DRP2: variants seen among roughly 807,000 people sequenced by gnomAD.
DRP2 encodes dystrophin-related protein 2.
Under a neutral mutation model 78.2 loss-of-function variants are expected in DRP2, and 29 were observed. That is an observed-to-expected ratio of 0.37 (90% CI 0.28 to 0.51). The LOEUF (loss-of-function observed/expected upper bound fraction) is 0.51, where lower values mean the gene tolerates loss of function less well. DRP2 is among the 20% of genes least tolerant of loss of function. The pLI is 0.94. For synonymous variants in DRP2, 290 were observed against 281.9 expected (o/e 1.03, Z -0.29); for missense variants, 686 against 770.6 (o/e 0.89, Z 1.30).
At chrX:101,235,472 G>T (rs980310481) in intron 3 of DRP2, among the ~76,000 whole-genome samples, 1 of 112,613 alleles carries the variant, frequency 8.9e-6, no homozygotes, top group African/African-American at 3.2e-5. Context: ...TACCTGCAAT[G>T]GTATGGTTGC....
At chrX:101,251,426 T>C (rs1293914345) in intron 16 of DRP2, 3 of 135,849 alleles carry the variant, frequency 2.2e-5, no homozygotes, top group African/African-American at 3.2e-5. Context: ...TCTGTAGCAT[T>C]TGCTAATTTC....
At position 101,242,914 on chromosome X, in the gene DRP2, G is replaced by C; in HGVS notation, c.986G>C (p.Ser329Thr). The C allele has an allele frequency of 1.7e-6, 2 of 1,211,283 alleles. No individual in the cohort carries two copies. Among genetic ancestry groups the C allele is most frequent in the Non-Finnish European group, 2.2e-6 (2 of 895,217 alleles). Reference sequence around the variant, plus strand: ...CTGTTCTTTCCATAGGCGTCAGTTAGTGAGAGGCTTAAGCAGCTCCAGGAT... The same window carrying C: ...CTGTTCTTTCCATAGGCGTCAGTTACTGAGAGGCTTAAGCAGCTCCAGGAT... ...VRWKQLQASV[S>T]ERLKQLQDAH... The change falls in exon 9 of 24, where the codon AGT becomes ACT. Residue 329 changes from serine to threonine, a missense_variant. Ser to Thr is a moderately conservative substitution (Grantham distance 58). This residue lies in a region of DRP2 where 423 missense variants were observed against 531.5 expected (regional missense o/e 0.80). Transcript: ENST00000395209.
intron 22 of DRP2, 72 bp downstream of exon 22, chrX:101,258,618 G>T: frequency 1.0e-6 from 1 of 958,971 alleles, no homozygotes; most frequent in South Asian, 2.3e-5. Context: ...GCTGAGGGCT[G>T]TGGCAAAGAA....
intron 6 of DRP2, among the ~76,000 whole-genome samples, chrX:101,240,461 C>T (rs1166139741): frequency 8.9e-6 from 1 of 112,662 alleles, no homozygotes; most frequent in Non-Finnish European, 1.9e-5. Context: ...GTCTTGAACT[C>T]TTGGGCTCAA....
chrX:101,234,912 G>A (rs917398486), intron 3 of DRP2, among the ~76,000 whole-genome samples: 4 of 110,867 alleles, frequency 3.6e-5, no homozygotes, highest in Non-Finnish European at 7.6e-5. Flanking sequence ...CTTTGCAAAT[G>A]AAGGCAAGCA....
At position 101,263,148 on chromosome X, in the gene DRP2, C is replaced by T. The variant is rs947210807; in HGVS notation, c.*2527C>T. ...TAATGCCTAAGGTGAGTGTATTGTTCAAGGGTCCAGGGACAGTCACTGCAG... is the reference window on the plus strand; with the variant it reads ...TAATGCCTAAGGTGAGTGTATTGTTTAAGGGTCCAGGGACAGTCACTGCAG... On this transcript the variant is annotated 3_prime_UTR_variant, in exon 24 of 24. Coordinates refer to ENST00000395209, the MANE Select transcript of DRP2 (RefSeq NM_001939.3). 2.7e-5 allele frequency: 3 copies of T among 111,818 alleles called. No individual in the cohort carries two copies. Among genetic ancestry groups the T allele is most frequent in the African/African-American group, 6.5e-5 (2 of 30,721 alleles). 9.2% of individuals were successfully genotyped at this position (111,818 alleles called of 1,213,427 possible).
At position 101,224,191 on chromosome X, in the gene DRP2, G is replaced by GT. The variant is rs1167730116; in HGVS notation, c.-166-383dup. 5.3e-3 allele frequency among the ~76,000 whole-genome samples: 206 copies of GT among 38,851 alleles called. 12 individuals carry two copies. Among genetic ancestry groups the GT allele is most frequent in the South Asian group, 0.011 (4 of 373 alleles). 33.7% of individuals were successfully genotyped at this position (38,851 alleles called of 115,157 possible). A position where few individuals can be genotyped will look rare whatever the true frequency, so the allele number is the denominator to read the frequency against. Reference sequence around the variant, plus strand: ...AATAAATGTTTGCTGGGTTTTTTTTGTTTTTTTTTTTTTTTTTTTTTTTTT... The same window carrying GT: ...AATAAATGTTTGCTGGGTTTTTTTTGTTTTTTTTTTTTTTTTTTTTTTTTTT... On this transcript the variant is annotated intron_variant, in intron 1 of 23. Coordinates refer to ENST00000395209, the MANE Select transcript of DRP2 (RefSeq NM_001939.3).
At chrX:101,239,264 T>C (rs1206168364) in intron 6 of DRP2, among the ~76,000 whole-genome samples, 163 bp downstream of exon 6, 3 of 111,429 alleles carry the variant, frequency 2.7e-5, no homozygotes, top group East Asian at 5.6e-4. Flanking sequence ...AGATTCCTAC[T>C]GCAGGAAAAA....
chrX:101,260,694 C>A lies in DRP2; in HGVS notation c.*73C>A. ...GTCAAAGCCTTTCCTCAGCCTTCACCCAACCTTTCCAGTTTCCACTGGCCC... is the reference window on the plus strand; with the variant it reads ...GTCAAAGCCTTTCCTCAGCCTTCACACAACCTTTCCAGTTTCCACTGGCCC... On this transcript the variant is annotated 3_prime_UTR_variant, in exon 24 of 24. Transcript: ENST00000395209. 1.8e-6 allele frequency: 2 copies of A among 1,119,829 alleles called. No homozygotes were observed. Among genetic ancestry groups the A allele is most frequent in the South Asian group, 2.3e-5 (1 of 43,143 alleles). The allele number at this position is 1,119,829 out of a possible 1,213,427, so 92.3% of individuals were successfully genotyped here. A position where few individuals can be genotyped will look rare whatever the true frequency, so the allele number is the denominator to read the frequency against.
chrX:101,237,082 G>T (rs1460618851), intron 4 of DRP2, among the ~76,000 whole-genome samples: 1 of 111,232 alleles, frequency 9.0e-6, no homozygotes, highest in East Asian at 2.8e-4. Flanking sequence ...TGTTCCTTTG[G>T]GTCCCAAGGA....
chrX:101,233,325 C>G (rs1787468531), intron 3 of DRP2, among the ~76,000 whole-genome samples: 1 of 111,431 alleles, frequency 9.0e-6, no homozygotes, highest in Non-Finnish European at 1.9e-5. Context: ...TCTGGACATT[C>G]CCAGTGCAGA....
intron 1 of DRP2, 36 bp from the exon 2 acceptor site, chrX:101,224,568 T>G (rs777510274): frequency 8.9e-6 from 1 of 112,355 alleles, no homozygotes; most frequent in South Asian, 3.7e-4. Context: ...TCTGTCCAAA[T>G]CAGTGCATAT....
Position 101,241,694 on chromosome X carries a change from A to C in DRP2, c.586A>C (p.Asn196His). The C allele has an allele frequency of 8.3e-7, 1 of 1,211,444 alleles. No individual in the cohort carries two copies. Among genetic ancestry groups the C allele is most frequent in the Non-Finnish European group, 1.1e-6 (1 of 895,356 alleles). ...KDTSPKQRIQ[N>H]LSRFVWKQAT... ...TACCTCCCCGAAACAGCGGATCCAG[A>C]ATCTCAGCCGCTTTGTATGGAAGCA... The change falls in exon 7 of 24, where the codon AAT becomes CAT. Residue 196 changes from asparagine to histidine, a missense_variant. Around this residue, in one of 2 missense-constraint regions of DRP2, gnomAD observed 263 missense variants for 239.1 expected, o/e 1.10. Coordinates refer to ENST00000395209, the MANE Select transcript of DRP2 (RefSeq NM_001939.3).
Position 101,242,535 on chromosome X carries a change from C to T in DRP2, c.975+64C>T. The T allele has an allele frequency of 2.6e-6, 3 of 1,139,967 alleles. No individual in the cohort carries two copies. The South Asian group carries it at 6.1e-5, about 23-fold the overall frequency. 93.9% of individuals were successfully genotyped at this position (1,139,967 alleles called of 1,213,427 possible). ...TCCATATAACTAGGCTTGGGGGAAACTTCTTCAGGGGTATGGAAATAGGAT... is the reference window on the plus strand; with the variant it reads ...TCCATATAACTAGGCTTGGGGGAAATTTCTTCAGGGGTATGGAAATAGGAT... On this transcript the variant is annotated intron_variant, in intron 8 of 23. Coordinates refer to ENST00000395209, the MANE Select transcript of DRP2 (RefSeq NM_001939.3).
At position 101,248,138 on chromosome X, in the gene DRP2, T is replaced by A; in HGVS notation, c.1302T>A (p.Asp434Glu). ...CCCTGGAAATCTTCAATGAGCATGA[T>A]CTGCAGGCCAGTGAGCACGTGATGG... ...TTALEIFNEH[D>E]LQASEHVMDV... The change falls in exon 13 of 24, where the codon GAT becomes GAA. Residue 434 changes from aspartate to glutamate, a missense_variant. This residue lies in a region of DRP2 where 423 missense variants were observed against 531.5 expected (regional missense o/e 0.80). Coordinates refer to ENST00000395209, the MANE Select transcript of DRP2 (RefSeq NM_001939.3). 8.3e-7 allele frequency: 1 copy of A among 1,211,761 alleles called. No individual in the cohort carries two copies. Among genetic ancestry groups the A allele is most frequent in the Non-Finnish European group, 1.1e-6 (1 of 895,497 alleles).
At chrX:101,248,681 G>A (rs1391636731) in intron 14 of DRP2, 82 bp downstream of exon 14, 7 of 890,345 alleles carry the variant, frequency 7.9e-6, no homozygotes, top group Non-Finnish European at 1.1e-5. Context: ...AAGATAAGCA[G>A]AAAGTACATC....
intron 9 of DRP2, 150 bp from the exon 10 acceptor site, chrX:101,244,866 AC>A (rs1810074381): frequency 4.2e-6 from 2 of 479,085 alleles, no homozygotes; most frequent in Admixed American, 7.1e-5. Context: ...TCTTTGTCCC[AC>A]CCTCAGAGGC....
intron 3 of DRP2, among the ~76,000 whole-genome samples, chrX:101,233,420 CCTG>C (rs1367755997): frequency 9.0e-6 from 1 of 111,561 alleles, no homozygotes; most frequent in Non-Finnish European, 1.9e-5. Context: ...CCCCAGCCAC[CCTG>C]GGTGGCTCCA....
intron 11 of DRP2, 64 bp from the exon 12 acceptor site, chrX:101,247,026 T>A (rs1922954772): frequency 9.5e-7 from 1 of 1,052,144 alleles, no homozygotes; most frequent in Non-Finnish European, 1.3e-6. Flanking sequence ...TGTAAAATGG[T>A]ATCTTGTTGC....
Sources: gnomAD v4.1 joint callset for allele counts (sites outside exome capture counted in the v4.1 genomes callset) on GRCh38, gnomAD v4.1.1 for gene constraint, gnomAD v4.1.1 regional missense constraint, MANE v1.5 for transcripts, NCBI Gene and HGNC (gene_info 2026-07-23, HGNC 2026-07-21) for gene names.